GALK2: variants seen among roughly 807,000 people sequenced by gnomAD.
GALK2 encodes galactokinase 2, also known as N-acetylgalactosamine kinase.
A neutral mutation model predicts 52.4 loss-of-function variants in GALK2; 36 were observed. The ratio of observed to expected loss-of-function variants is 0.69; its 90% CI spans 0.53 to 0.91. The LOEUF (loss-of-function observed/expected upper bound fraction) is 0.91. Among genes scored for constraint, GALK2 ranks in the 40% least tolerant of loss-of-function variants. The probability of loss-of-function intolerance (pLI) is 0.00; values close to 1 mark genes in which losing one functional copy is unlikely to be tolerated. For missense variants in GALK2, 579 were observed against 559.1 expected (o/e 1.04, Z -0.36); for synonymous variants, 176 against 199.1 (o/e 0.88, Z 0.98).
intron 5 of GALK2, among the ~76,000 whole-genome samples, chr15:49,260,783 A>G (rs138480207): frequency 0.011 from 1,676 of 152,242 alleles, 37 homozygotes; most frequent in African/African-American, 0.039. Context: ...CTTTCTACAT[A>G]TGGCTAGCCA....
Position 49,171,851 on chromosome 15 carries a change from A to C in GALK2, c.53+1476A>C, listed in dbSNP as rs149022323. Among the ~76,000 whole-genome samples the C allele has an allele frequency of 8.1e-3, 1,228 of 151,546 alleles. 19 individuals are homozygous for C. The highest frequency in any genetic ancestry group is 0.06 in the South Asian group (286 of 4,784). On this transcript the variant is annotated intron_variant, in intron 1 of 9. Coordinates refer to ENST00000560031, the MANE Select transcript of GALK2 (RefSeq NM_002044.4). ...TAGTGGCGCAGTCTCCGCTCACTGC[A>C]ACCTCCACCTCCCAGGTTCAATCCA... is the stretch of plus-strand genomic sequence containing the variant.
intron 1 of GALK2, among the ~76,000 whole-genome samples, chr15:49,173,770 C>T (rs1208661647): frequency 2.6e-5 from 4 of 151,922 alleles, no homozygotes; most frequent in African/African-American, 9.7e-5. Flanking sequence ...TTTTTTGAGA[C>T]AGAGTCTCGC....
intron 8 of GALK2, among the ~76,000 whole-genome samples, chr15:49,314,600 C>T (rs2036254786): frequency 6.6e-6 from 1 of 152,184 alleles, no homozygotes; most frequent in Non-Finnish European, 1.5e-5. Context: ...ATTTATTGAA[C>T]CCCTACTAAG....
At chr15:49,240,824 C>T (rs1386517076) in intron 5 of GALK2, among the ~76,000 whole-genome samples, 1 of 138,704 alleles carries the variant, frequency 7.2e-6, no homozygotes, top group Admixed American at 7.7e-5. Context: ...ATCTTCATAG[C>T]AGTGGGAAAC....
intron 3 of GALK2, chr15:49,223,062 A>G (rs184167722): frequency 1.4e-4 from 21 of 152,158 alleles, no homozygotes; most frequent in African/African-American, 4.8e-4. Context: ...CAATCTTGGT[A>G]CTTGTTACTA....
Position 49,181,823 on chromosome 15 carries a change from C to A in GALK2, c.53+11448C>A, listed in dbSNP as rs1280283131. Among the ~76,000 whole-genome samples the A allele has an allele frequency of 2.6e-5, 4 of 152,102 alleles. No individual in the cohort carries two copies. In the South Asian group the frequency reaches 6.2e-4, roughly 24 times the overall value. ...TTTACCACATTTGCTTTATCATTCT[C>A]TATCTCTGTTTTAATTTTTTTTAAT... is the stretch of plus-strand genomic sequence containing the variant. On this transcript the variant is annotated intron_variant, in intron 1 of 9. Transcript: ENST00000560031.
chr15:49,353,974 G>A (rs1273271996), intron 3 of GALK2: 1 of 152,152 alleles, frequency 6.6e-6, no homozygotes, highest in Non-Finnish European at 1.5e-5. Flanking sequence ...TTCATGTGAT[G>A]AAGATTATTG....
At chr15:49,233,516 C>T (rs1169453694) in intron 3 of GALK2, among the ~76,000 whole-genome samples, 1 of 152,152 alleles carries the variant, frequency 6.6e-6, no homozygotes, top group Non-Finnish European at 1.5e-5. Context: ...TCTCCTCATA[C>T]CTGCCTACCC....
chr15:49,237,067 G>C (rs2090850732), intron 4 of GALK2, among the ~76,000 whole-genome samples: 1 of 152,116 alleles, frequency 6.6e-6, no homozygotes, highest in Non-Finnish European at 1.5e-5. Flanking sequence ...TACAGTATTT[G>C]GAAGCATTTG....
At chr15:49,274,807 A>G (rs2031377108) in intron 5 of GALK2, among the ~76,000 whole-genome samples, 1 of 152,108 alleles carries the variant, frequency 6.6e-6, no homozygotes. Context: ...AAAAACTAAA[A>G]CAGAGTCAGG....
At chr15:49,316,330 G>C (rs2036404342) in intron 8 of GALK2, among the ~76,000 whole-genome samples, 1 of 83,100 alleles carries the variant, frequency 1.2e-5, no homozygotes. Context: ...CAGTGCTGTG[G>C]AGGGGAAAAA....
intron 2 of GALK2, among the ~76,000 whole-genome samples, chr15:49,216,956 G>T (rs945192913): frequency 9.2e-5 from 14 of 152,072 alleles, no homozygotes; most frequent in African/African-American, 3.4e-4. Context: ...GTGATTTTCA[G>T]GTACTCACCT....
intron 5 of GALK2, among the ~76,000 whole-genome samples, chr15:49,246,490 G>A (rs1426452980): frequency 6.6e-6 from 1 of 152,112 alleles, no homozygotes; most frequent in Non-Finnish European, 1.5e-5. Context: ...GGGTTGAGCT[G>A]CATCCCCCAT....
chr15:49,175,892 C>A (rs1417866843), intron 1 of GALK2, among the ~76,000 whole-genome samples: 2 of 152,070 alleles, frequency 1.3e-5, no homozygotes, highest in Non-Finnish European at 2.9e-5. Flanking sequence ...AGTCAAGTAC[C>A]CCCTGCTTGC....
At chr15:49,337,205 T>C (rs1173048886) in intron 3 of GALK2, among the ~76,000 whole-genome samples, 2 of 152,246 alleles carry the variant, frequency 1.3e-5, no homozygotes, top group East Asian at 3.8e-4. Flanking sequence ...TTTGAGTATA[T>C]ACCCAGTAAT....
chr15:49,183,596 C>T (rs1278820759), intron 1 of GALK2, among the ~76,000 whole-genome samples: 1 of 152,220 alleles, frequency 6.6e-6, no homozygotes, highest in East Asian at 1.9e-4. Flanking sequence ...GTAATCCCAG[C>T]ACTTTGGGAG....
At position 49,343,160 on chromosome 15, in the gene GALK2, A is replaced by G. The variant is rs193084139; in HGVS notation, c.426+23355A>G. 4.3e-4 allele frequency among the ~76,000 whole-genome samples: 66 copies of G among 152,258 alleles called. No homozygotes were observed. The South Asian group carries it at 6.2e-3, about 14-fold the overall frequency. Reference sequence around the variant, plus strand: ...TTTTTCTCCTCTCTCAGGAATGCCAATAATTTATAGGTTTGGTCACTTTAC... The same window carrying G: ...TTTTTCTCCTCTCTCAGGAATGCCAGTAATTTATAGGTTTGGTCACTTTAC... On this transcript the variant is annotated intron_variant, in intron 3 of 3. Transcript: ENST00000558399.
At chr15:49,216,838 A>G (rs117744210) in intron 2 of GALK2, among the ~76,000 whole-genome samples, 5,425 of 152,126 alleles carry the variant, frequency 0.036, 171 homozygotes, top group East Asian at 0.15. Context: ...CCTCCCCCAA[A>G]CACAGTTTCT....
intron 8 of GALK2, among the ~76,000 whole-genome samples, chr15:49,315,468 A>T (rs1266720475): frequency 1.3e-5 from 2 of 152,210 alleles, no homozygotes. Context: ...TGGTATCTGT[A>T]TAACAGAGAC....
Sources: gnomAD v4.1 joint callset for allele counts (sites outside exome capture counted in the v4.1 genomes callset) on GRCh38, gnomAD v4.1.1 for gene constraint, MANE v1.5 for transcripts, NCBI Gene and HGNC (gene_info 2026-07-23, HGNC 2026-07-21) for gene names.